Variants in PKD2 observed in about 807,000 individuals in gnomAD.
The protein encoded by PKD2 is polycystin 2, transient receptor potential cation channel.
Under a neutral mutation model 105.9 loss-of-function variants are expected in PKD2, and 48 were observed. The ratio of observed to expected loss-of-function variants is 0.45; its 90% CI spans 0.36 to 0.58. PKD2 has a LOEUF of 0.58. Among genes scored for constraint, PKD2 ranks in the 20% least tolerant of loss-of-function variants. The pLI, the probability that PKD2 is intolerant of heterozygous loss-of-function variation, is 0.00. For synonymous variants in PKD2, 464 were observed against 481.1 expected, an observed-to-expected ratio of 0.96 and a Z score of 0.46; for missense variants, 1,078 against 1,255.3, an observed-to-expected ratio of 0.86 and a Z score of 2.13.
Position 88,007,973 on chromosome 4 carries a change from G to T in PKD2, c.240G>T (p.Ser80=). 6.6e-7 allele frequency: 1 copy of T among 1,503,812 alleles called. No individual in the cohort carries two copies. The highest frequency in any genetic ancestry group is 1.2e-5 in the South Asian group (1 of 80,898). The allele number at this position is 1,503,812 out of a possible 1,614,324, so 93.2% of individuals were successfully genotyped here. A position where few individuals can be genotyped will look rare whatever the true frequency, so the allele number is the denominator to read the frequency against. Residue 80 remains serine (S), a synonymous_variant, in exon 1 of 15, where the codon TCG becomes TCT. Coordinates refer to ENST00000237596, the MANE Select transcript of PKD2 (RefSeq NM_000297.4). ...CGGCCTCCCCTTCTCCTCCGCTCTC[G>T]TCGTGCTCCCGGCAGGCGTGGAGCC... ...GAAASPSPPL[S]SCSRQAWSRD...
rs769869533 is a variant in PKD2, at chr4:88,046,152, T to C, written c.1320-490T>C. The stretch of plus-strand genomic sequence containing the variant: ...CAAAAAAAAAAAAATTAGTTGGGCA[T>C]GGTGCTGCACACTTACATTCCCAGC... On this transcript the variant is annotated intron_variant, in intron 5 of 14. Coordinates refer to ENST00000237596, the MANE Select transcript of PKD2 (RefSeq NM_000297.4). 1.1e-4 allele frequency among the ~76,000 whole-genome samples: 16 copies of C among 151,040 alleles called. 1 individual carries two copies. Among genetic ancestry groups the C allele is most frequent in the Admixed American group, 4.0e-4 (6 of 15,174 alleles).
At chr4:88,040,347 A>G (rs1016674338) in intron 4 of PKD2, among the ~76,000 whole-genome samples, 1 of 152,194 alleles carries the variant, frequency 6.6e-6, no homozygotes, top group Non-Finnish European at 1.5e-5. Flanking sequence ...TATTTTGTTA[A>G]CTGCTGTATT....
intron 12 of PKD2, 146 bp from the exon 13 acceptor site, chr4:88,067,752 A>T: frequency 1.4e-6 from 1 of 734,222 alleles, no homozygotes. Flanking sequence ...TGAAACTGAA[A>T]AATGCAGGAG....
chr4:88,066,073 G>T (rs969235376), intron 12 of PKD2, among the ~76,000 whole-genome samples, 194 bp downstream of exon 12: 2 of 152,098 alleles, frequency 1.3e-5, no homozygotes, highest in African/African-American at 4.8e-5. Flanking sequence ...GTATAAAAAT[G>T]GGTGGTTAGC....
chr4:88,008,103 A>T lies in PKD2; in HGVS notation c.370A>T (p.Arg124Trp). 1 of 1,514,416 alleles carries T rather than the reference A, an allele frequency of 6.6e-7. No individual in the cohort carries two copies. Among genetic ancestry groups the T allele is most frequent in the Non-Finnish European group, 8.8e-7 (1 of 1,136,476 alleles). 93.8% of individuals were successfully genotyped at this position (1,514,416 alleles called of 1,614,324 possible). ...MDVEWRPGSR[R>W]SAASSAVSSV... ...CGTAGAGTGGCGCCCGGGCAGCCGG[A>T]GGTCGGCCGCCTCCTCGGCCGTGAG... The change falls in exon 1 of 15, where the codon AGG becomes TGG. Residue 124 changes from arginine (R) to tryptophan (W), a missense_variant. Transcript: ENST00000237596.
intron 9 of PKD2, among the ~76,000 whole-genome samples, chr4:88,058,901 C>G (rs1720459258): frequency 6.6e-6 from 1 of 151,988 alleles, no homozygotes; most frequent in South Asian, 2.1e-4. Flanking sequence ...GTTAAGCCAG[C>G]TTAATTTAGG....
At chr4:88,040,364 G>A (rs185490875) in intron 4 of PKD2, among the ~76,000 whole-genome samples, 3 of 152,284 alleles carry the variant, frequency 2.0e-5, no homozygotes, top group Admixed American at 6.5e-5. Flanking sequence ...TATTCTCAAA[G>A]CCTTGAACAA....
chr4:88,057,394 T>C (rs1201903630), intron 8 of PKD2, among the ~76,000 whole-genome samples: 1 of 151,972 alleles, frequency 6.6e-6, no homozygotes, highest in African/African-American at 2.4e-5. Flanking sequence ...TGAAATGTTA[T>C]AGCCAATTGC....
chr4:88,073,673 C>T (rs1721124619), intron 13 of PKD2, among the ~76,000 whole-genome samples: 1 of 152,186 alleles, frequency 6.6e-6, no homozygotes. Flanking sequence ...GCTTCTATCA[C>T]ATGAGCTGGG....
chr4:88,067,345 T>G (rs1720834200), intron 12 of PKD2, among the ~76,000 whole-genome samples: 1 of 152,134 alleles, frequency 6.6e-6, no homozygotes, highest in Non-Finnish European at 1.5e-5. Context: ...CTGTAATATA[T>G]TTCTTCATTT....
intron 1 of PKD2, among the ~76,000 whole-genome samples, chr4:88,016,245 A>C (rs1578116356): frequency 6.6e-6 from 1 of 152,034 alleles, no homozygotes; most frequent in East Asian, 1.9e-4. Flanking sequence ...TAGATGATGT[A>C]CTCTGGCTTT....
intron 2 of PKD2, among the ~76,000 whole-genome samples, chr4:88,030,637 CCAGATCCAGGGAGAAGCTTAGTGGT>C (rs1179577573): frequency 1.3e-5 from 2 of 152,202 alleles, no homozygotes; most frequent in Non-Finnish European, 2.9e-5. Flanking sequence ...AACTCAAGGA[CCAGATCCAGGGAGAAGCTTAGTGGT>C]GCCCACCCGA....
chr4:88,051,394 C>G (rs750509532), intron 6 of PKD2, among the ~76,000 whole-genome samples: 12 of 152,136 alleles, frequency 7.9e-5, no homozygotes, highest in Non-Finnish European at 1.6e-4. Flanking sequence ...TATTTAACTT[C>G]ATGTGTTTAT....
At chr4:88,053,858 A>T (rs1041533219) in intron 7 of PKD2, among the ~76,000 whole-genome samples, 21 of 152,316 alleles carry the variant, frequency 1.4e-4, no homozygotes, top group South Asian at 2.1e-4. Context: ...TGTCCTAGAC[A>T]GTAGCCACTA....
At chr4:88,073,051 A>G (rs1383263921) in intron 13 of PKD2, among the ~76,000 whole-genome samples, 1 of 147,130 alleles carries the variant, frequency 6.8e-6, no homozygotes, top group African/African-American at 2.5e-5. Context: ...AAAAAAAAAA[A>G]AAGAGTAGGA....
chr4:88,023,047 C>T (rs1726817856), intron 2 of PKD2, among the ~76,000 whole-genome samples: 1 of 151,612 alleles, frequency 6.6e-6, no homozygotes, highest in Non-Finnish European at 1.5e-5. Flanking sequence ...CAACACTGCA[C>T]TCCATCCAGC....
chr4:88,057,291 C>G (rs1171061764), intron 8 of PKD2, among the ~76,000 whole-genome samples: 1 of 151,716 alleles, frequency 6.6e-6, no homozygotes, highest in African/African-American at 2.4e-5. Flanking sequence ...ACACCAGGCC[C>G]TGTTGTTTTT....
rs559360985 is a variant in PKD2 at position 88,065,418 on chromosome 4, C to T, written c.2163C>T (p.Thr721=). Residue 721 remains threonine, a synonymous_variant, in exon 11 of 15, where the codon ACC becomes ACT. Transcript: ENST00000237596. ...ALVKLKLKKN[T]VDDISESLRQ... Reference sequence around the variant, plus strand: ...TCAAACTAAAACTGAAAAAAAATACCGTGGATGACATTTCAGAGAGTCTGC... The same window carrying T: ...TCAAACTAAAACTGAAAAAAAATACTGTGGATGACATTTCAGAGAGTCTGC... The T allele has an allele frequency of 5.6e-6, 9 of 1,611,780 alleles. No individual in the cohort carries two copies. In the East Asian group the frequency reaches 8.9e-5, roughly 16 times the overall value.
intron 10 of PKD2, among the ~76,000 whole-genome samples, chr4:88,065,065 G>A (rs1330450203): frequency 6.6e-6 from 1 of 152,136 alleles, no homozygotes; most frequent in East Asian, 1.9e-4. Flanking sequence ...AGTACTTTAT[G>A]CTCTGAGGCA....
Sources: allele counts gnomAD v4.1 joint callset (sites outside exome capture counted in the v4.1 genomes callset), GRCh38; gene constraint gnomAD v4.1.1; transcripts MANE v1.5; gene names NCBI Gene and HGNC (gene_info 2026-07-23, HGNC 2026-07-21).